The following DOCK9 variants were observed in gnomAD, a reference collection of about 807,000 sequenced individuals.
The protein encoded by DOCK9 is dedicator of cytokinesis 9.
Under a neutral mutation model 263.3 loss-of-function variants are expected in DOCK9, and 89 were observed. The ratio of observed to expected loss-of-function variants is 0.34; its 90% CI spans 0.28 to 0.40. The LOEUF is 0.40. Ranked by LOEUF, DOCK9 falls within the 10% of genes least tolerant of loss-of-function variation. The pLI is 1.00. For missense variants in DOCK9, 2,140 were observed against 2,603.4 expected (o/e 0.82, Z 3.87); for synonymous variants, 976 against 973.1 (o/e 1.00, Z -0.06).
At chr13:98,828,303 G>A (rs569840828) in intron 43 of DOCK9, among the ~76,000 whole-genome samples, 54 of 152,354 alleles carry the variant, frequency 3.5e-4, no homozygotes, top group South Asian at 1.7e-3. Context: ...CTAATTCACA[G>A]AGGAACAGCT....
chr13:99,048,575 G>C (rs1300235331), intron 1 of DOCK9, among the ~76,000 whole-genome samples: 1 of 152,104 alleles, frequency 6.6e-6, no homozygotes, highest in African/African-American at 2.4e-5. Flanking sequence ...CCATATTTTG[G>C]TGCTTCTTCC....
chr13:98,988,828 G>A (rs1717352938), intron 1 of DOCK9, among the ~76,000 whole-genome samples: 1 of 152,224 alleles, frequency 6.6e-6, no homozygotes, highest in Admixed American at 6.5e-5. Flanking sequence ...AAGAGGAAAT[G>A]CAGATGCAAG....
rs375833855 is a variant in DOCK9, at chr13:98,848,692, G to A, written c.4014-53C>T. 3,665 of 1,538,080 alleles carry A rather than the reference G, an allele frequency of 2.4e-3. 115 individuals carry two copies. The South Asian group carries it at 0.04, about 17-fold the overall frequency. On this transcript the variant is annotated intron_variant, in intron 36 of 52. Coordinates refer to ENST00000682017, the MANE Select transcript of DOCK9 (RefSeq NM_001366683.2). ...GAAATGCAAAGATAAAATTATTTTCGGGACGTTATTTATCTGTTAACAATA... is the reference window on the plus strand; with the variant it reads ...GAAATGCAAAGATAAAATTATTTTCAGGACGTTATTTATCTGTTAACAATA...
intron 45 of DOCK9, among the ~76,000 whole-genome samples, 180 bp from the exon 46 acceptor site, chr13:98,810,471 C>T (rs1215983974): frequency 6.6e-6 from 1 of 152,128 alleles, no homozygotes; most frequent in Non-Finnish European, 1.5e-5. Context: ...ATTTTTTCAT[C>T]ACCACGTTCT....
intron 45 of DOCK9, among the ~76,000 whole-genome samples, chr13:98,810,945 C>A (rs529067440): frequency 1.3e-5 from 2 of 152,284 alleles, no homozygotes; most frequent in South Asian, 4.1e-4. Flanking sequence ...CTAAGCAGGC[C>A]AATCAGGGTG....
intron 1 of DOCK9, among the ~76,000 whole-genome samples, chr13:99,079,154 C>G (rs1168707024): frequency 6.6e-6 from 1 of 152,192 alleles, no homozygotes; most frequent in Non-Finnish European, 1.5e-5. Context: ...AATGGGGTAG[C>G]CCTCCAAGCA....
upstream of DOCK9, among the ~76,000 whole-genome samples, chr13:98,980,860 G>A (rs953103730): frequency 3.3e-5 from 5 of 152,074 alleles, no homozygotes; most frequent in African/African-American, 7.2e-5. Context: ...TCATGAGCCA[G>A]GCCTTCTTCT....
chr13:98,835,464 G>A (rs1291573687), intron 39 of DOCK9, among the ~76,000 whole-genome samples: 1 of 152,172 alleles, frequency 6.6e-6, no homozygotes, highest in African/African-American at 2.4e-5. Flanking sequence ...CCTCCCAGCT[G>A]GGGGGAGGTG....
At chr13:98,838,904 G>GA (rs1391250939) in intron 38 of DOCK9, among the ~76,000 whole-genome samples, 4 of 152,060 alleles carry the variant, frequency 2.6e-5, no homozygotes, top group East Asian at 1.9e-4. Context: ...CCAGTAATGG[G>GA]AAAAAAACAG....
At chr13:98,863,153 G>T in intron 31 of DOCK9, 21 bp from the exon 32 acceptor site, 3 of 1,584,428 alleles carry the variant, frequency 1.9e-6, no homozygotes, top group Non-Finnish European at 2.6e-6. Context: ...GACACACATG[G>T]TAAGTTTGAC....
chr13:98,929,415 C>T (rs1399280532), intron 3 of DOCK9, among the ~76,000 whole-genome samples: 10 of 151,956 alleles, frequency 6.6e-5, no homozygotes, highest in Admixed American at 2.0e-4. Flanking sequence ...TGGTGGTGCA[C>T]GCCTGTAATC....
chr13:98,885,674 AT>A, intron 20 of DOCK9, 33 bp downstream of exon 20: 1 of 1,573,150 alleles, frequency 6.4e-7, no homozygotes, highest in Non-Finnish European at 8.6e-7. Flanking sequence ...TGTTTCAATT[AT>A]TTAAAATCAA....
Position 98,825,724 on chromosome 13 carries a change from A to G in DOCK9, c.5023+1106T>C. On this transcript the variant is annotated intron_variant, in intron 44 of 52. Coordinates refer to ENST00000682017, the MANE Select transcript of DOCK9 (RefSeq NM_001366683.2). This position sits in a 1 kb window ranked among gnomAD's most constrained non-coding sequence, Gnocchi z 4.1. ...GTGCTTTCCTCTTGTGCCCACAGGA[A>G]TAGACCAGCCAACCAGAGAGCCACA... 2.3e-6 allele frequency: 1 copy of G among 442,382 alleles called. No homozygotes were observed. Among genetic ancestry groups the G allele is most frequent in the Non-Finnish European group, 3.9e-6 (1 of 256,212 alleles). The allele number at this position is 442,382 out of a possible 1,614,324, so 27.4% of individuals were successfully genotyped here.
Position 98,917,312 on chromosome 13 carries a change from G to A in DOCK9, c.718-1809C>T, listed in dbSNP as rs1182265517. Among the ~76,000 whole-genome samples the A allele has an allele frequency of 2.0e-5, 3 of 152,328 alleles. No individual in the cohort carries two copies. In the East Asian group the frequency reaches 5.8e-4, roughly 29 times the overall value. ...GTTTTGCTTTAACCTTCTTTTTAAAGTCAGTGCCAGAAAATTCAGCTAAAA... is the reference window on the plus strand; with the variant it reads ...GTTTTGCTTTAACCTTCTTTTTAAAATCAGTGCCAGAAAATTCAGCTAAAA... On this transcript the variant is annotated intron_variant, in intron 7 of 52. Transcript: ENST00000682017.
chr13:99,079,068 C>G (rs1487231737), intron 1 of DOCK9, among the ~76,000 whole-genome samples: 1 of 152,190 alleles, frequency 6.6e-6, no homozygotes, highest in African/African-American at 2.4e-5. Flanking sequence ...CTTTTAAAAC[C>G]TCATTCTTAT....
intron 1 of DOCK9, among the ~76,000 whole-genome samples, chr13:98,999,308 A>ACTCTCTCTCT (rs200490875): frequency 2.2e-5 from 2 of 92,046 alleles, no homozygotes; most frequent in Non-Finnish European, 5.1e-5. Flanking sequence ...ACACACACAC[A>ACTCTCTCTCT]CACACACACT....
chr13:98,888,697 G>A lies in DOCK9; in HGVS notation c.1724C>T (p.Ala575Val), dbSNP rs778319678. The A allele has an allele frequency of 6.2e-7, 1 of 1,613,632 alleles. No homozygotes were observed. The highest frequency in any genetic ancestry group is 8.5e-7 in the Non-Finnish European group (1 of 1,179,790). ...LADFRKPEKM[A>V]KLPVILGNLD... Reference sequence around the variant, plus strand: ...ATTGCCTAAAATCACTGGGAGCTTAGCCATCTTCTCAGGTCTGCAAACAAA... The same window carrying A: ...ATTGCCTAAAATCACTGGGAGCTTAACCATCTTCTCAGGTCTGCAAACAAA... The change falls in exon 16 of 53, where the codon GCT (alanine) becomes GTT (valine). Residue 575 changes from alanine (A) to valine (V), a missense_variant. Transcript: ENST00000682017.
At chr13:98,972,748 A>G (rs2059866829) in intron 1 of DOCK9, among the ~76,000 whole-genome samples, 1 of 152,228 alleles carries the variant, frequency 6.6e-6, no homozygotes, top group African/African-American at 2.4e-5. Context: ...CTGATGGTTT[A>G]AGTGTTGTCT....
chr13:99,004,066 T>C (rs1410386311), intron 1 of DOCK9, among the ~76,000 whole-genome samples: 1 of 152,168 alleles, frequency 6.6e-6, no homozygotes, highest in East Asian at 1.9e-4. Flanking sequence ...CTCTCCCTCC[T>C]TGGGACTTTG....
Sources: gnomAD v4.1 joint callset for allele counts (sites outside exome capture counted in the v4.1 genomes callset) on GRCh38, gnomAD v4.1.1 for gene constraint, Gnocchi (gnomAD v3.1) non-coding constraint, MANE v1.5 for transcripts, NCBI Gene and HGNC (gene_info 2026-07-23, HGNC 2026-07-21) for gene names.